Variants in SYT2 observed in about 807,000 individuals in gnomAD.
The protein encoded by SYT2 is synaptotagmin 2.
Under a neutral mutation model 39.9 loss-of-function variants are expected in SYT2, and 15 were observed. The observed-to-expected ratio is 0.38, with a 90% CI of 0.25 to 0.58. The LOEUF (loss-of-function observed/expected upper bound fraction) is 0.58. Among genes scored for constraint, SYT2 ranks in the 20% least tolerant of loss-of-function variants. SYT2 has a pLI of 0.70. For missense variants in SYT2, 389 were observed against 530.3 expected, an observed-to-expected ratio of 0.73 and a Z score of 2.62; for synonymous variants, 181 against 204.5, an observed-to-expected ratio of 0.89 and a Z score of 0.98.
chr1:202,667,752 G>A (rs987213550), intron 1 of SYT2, among the ~76,000 whole-genome samples: 4 of 151,550 alleles, frequency 2.6e-5, no homozygotes, highest in East Asian at 1.9e-4. Flanking sequence ...TTGCTCTGTC[G>A]AGCAGGCTGG....
intron 1 of SYT2, among the ~76,000 whole-genome samples, chr1:202,699,473 A>G (rs1488662119): frequency 6.6e-6 from 1 of 152,218 alleles, no homozygotes; most frequent in Non-Finnish European, 1.5e-5. Flanking sequence ...TGGCACTGGG[A>G]CAGACAAACT....
chr1:202,692,073 C>T (rs1653851279), intron 1 of SYT2, among the ~76,000 whole-genome samples: 1 of 152,070 alleles, frequency 6.6e-6, no homozygotes, highest in Non-Finnish European at 1.5e-5. Flanking sequence ...GCCATGCTTC[C>T]TCCTCCCACT....
chr1:202,685,508 CTT>C (rs1224512858), intron 1 of SYT2, among the ~76,000 whole-genome samples: 3 of 152,196 alleles, frequency 2.0e-5, no homozygotes, highest in African/African-American at 7.2e-5. Flanking sequence ...CCTGGTCTCT[CTT>C]GTCAGTGGAC....
At chr1:202,643,570 A>G (rs1691996222) in intron 1 of SYT2, 1 of 151,836 alleles carries the variant, frequency 6.6e-6, no homozygotes, top group Admixed American at 6.5e-5. Context: ...TCCGAGGGCG[A>G]TCCCCGCAAA....
intron 1 of SYT2, among the ~76,000 whole-genome samples, chr1:202,697,317 A>T (rs1553344012): frequency 6.6e-6 from 1 of 152,254 alleles, no homozygotes; most frequent in Non-Finnish European, 1.5e-5. Flanking sequence ...TCACCTGAGC[A>T]GTCTCCTTCC....
intron 1 of SYT2, among the ~76,000 whole-genome samples, chr1:202,679,132 C>T (rs1030567056): frequency 6.6e-6 from 1 of 152,190 alleles, no homozygotes; most frequent in Admixed American, 6.5e-5. Flanking sequence ...TCCCTCCGCT[C>T]AGCTTCTTCT....
intron 1 of SYT2, among the ~76,000 whole-genome samples, chr1:202,683,994 ATATT>A (rs1653594015): frequency 1.3e-5 from 2 of 152,044 alleles, no homozygotes; most frequent in Non-Finnish European, 2.9e-5. Flanking sequence ...TGTACATATC[ATATT>A]AACTATTTAT....
chr1:202,677,026 G>A (rs983280926), intron 1 of SYT2, among the ~76,000 whole-genome samples: 4 of 151,968 alleles, frequency 2.6e-5, no homozygotes, highest in Admixed American at 6.5e-5. Context: ...CTCCTGCTCT[G>A]GCCATGTGAA....
intron 1 of SYT2, among the ~76,000 whole-genome samples, chr1:202,630,849 C>T (rs1291435822): frequency 1.3e-5 from 2 of 152,212 alleles, no homozygotes; most frequent in African/African-American, 4.8e-5. Context: ...TAGCAGTACA[C>T]AGGGCTCTGG....
intron 1 of SYT2, among the ~76,000 whole-genome samples, chr1:202,620,335 T>C (rs1403584415): frequency 6.6e-6 from 1 of 152,192 alleles, no homozygotes; most frequent in Non-Finnish European, 1.5e-5. Context: ...CCCTAAAACA[T>C]GCTGGGGTCT....
intron 1 of SYT2, among the ~76,000 whole-genome samples, chr1:202,681,068 A>T (rs1653513071): frequency 6.6e-6 from 1 of 151,710 alleles, no homozygotes; most frequent in Non-Finnish European, 1.5e-5. Flanking sequence ...GTGTTAGATC[A>T]CTCCAAATGG....
At chr1:202,635,143 C>G (rs1281443695) in intron 1 of SYT2, among the ~76,000 whole-genome samples, 1 of 152,088 alleles carries the variant, frequency 6.6e-6, no homozygotes, top group African/African-American at 2.4e-5. Context: ...AGGCTCAGAG[C>G]GAGTCAGCAA....
At chr1:202,631,425 G>A (rs75146669) in intron 1 of SYT2, among the ~76,000 whole-genome samples, 3,239 of 152,288 alleles carry the variant, frequency 0.021, 105 homozygotes, top group African/African-American at 0.065. Context: ...GGTTCACTTT[G>A]CACTTGAGAA....
In SYT2 at chr1:202,599,708, C is replaced by T. The variant is rs780850374; in HGVS notation, c.920-357G>A. On this transcript the variant is annotated intron_variant, in intron 7 of 8. Coordinates refer to ENST00000367268, the MANE Select transcript of SYT2 (RefSeq NM_177402.5). This position sits in a 1 kb window ranked among gnomAD's most constrained non-coding sequence, Gnocchi z 4.4. ...CATCTGCTGGGTCATAATCCCAATCCGATCCCCCTAATCTTGCAGACAAGA... is the reference window on the plus strand; with the variant it reads ...CATCTGCTGGGTCATAATCCCAATCTGATCCCCCTAATCTTGCAGACAAGA... Among the ~76,000 whole-genome samples the T allele has an allele frequency of 1.3e-5, 2 of 152,168 alleles. No homozygotes were observed. Among genetic ancestry groups the T allele is most frequent in the African/African-American group, 2.4e-5 (1 of 41,444 alleles).
intron 1 of SYT2, among the ~76,000 whole-genome samples, chr1:202,667,227 T>C (rs1322321169): frequency 6.6e-6 from 1 of 152,188 alleles, no homozygotes; most frequent in Non-Finnish European, 1.5e-5. Context: ...GTGGTGTTAT[T>C]GGGACCCAGA....
At chr1:202,678,273 CAAAAAAAAAA>C (rs773123862) in intron 1 of SYT2, among the ~76,000 whole-genome samples, 45 of 30,728 alleles carry the variant, frequency 1.5e-3, no homozygotes, top group African/African-American at 5.3e-3. Context: ...GACTCTGTCT[CAAAAAAAAAA>C]AAAAAAAAAA....
chr1:202,651,043 G>A (rs566687881), intron 1 of SYT2, among the ~76,000 whole-genome samples: 1 of 152,260 alleles, frequency 6.6e-6, no homozygotes, highest in Non-Finnish European at 1.5e-5. Context: ...TTGCAAGCCA[G>A]GCTAAGGGTG....
Position 202,605,695 on chromosome 1 carries a change from G to C in SYT2, c.78C>G (p.Pro26=). The change falls in exon 2 of 9, where the codon CCC becomes CCG. Residue 26 remains proline (P), a synonymous_variant. Coordinates refer to ENST00000367268, the MANE Select transcript of SYT2 (RefSeq NM_177402.5). ...ATTTATMPIG[P]VDNSTESGGA... is the part of the protein sequence containing the mutation. ...CCCCACTCTCAGTGGAGTTGTCCAC[G>C]GGTCCAATGGGCATCGTGGCGGTGG... 1 of 1,614,014 alleles carries C rather than the reference G, an allele frequency of 6.2e-7. No individual in the cohort carries two copies.
chr1:202,626,526 C>G (rs939524994), intron 1 of SYT2, among the ~76,000 whole-genome samples: 3 of 149,218 alleles, frequency 2.0e-5, no homozygotes, highest in Non-Finnish European at 4.4e-5. Context: ...TACAGGCGTA[C>G]CACCATGCCC....
Sources: allele counts gnomAD v4.1 joint callset (sites outside exome capture counted in the v4.1 genomes callset), GRCh38; gene constraint gnomAD v4.1.1; non-coding constraint Gnocchi (gnomAD v3.1); transcripts MANE v1.5; gene names NCBI Gene and HGNC (gene_info 2026-07-23, HGNC 2026-07-21).